Variants in NAT10 observed in about 807,000 individuals in gnomAD.
NAT10 encodes the protein N-acetyltransferase 10.
NAT10 carries 109 observed loss-of-function variants against 132.2 expected under a neutral mutation model. That is an observed-to-expected ratio of 0.82 (90% CI 0.71 to 0.97). The LOEUF (loss-of-function observed/expected upper bound fraction) is 0.97. Ranked by LOEUF, NAT10 falls within the 50% of genes least tolerant of loss-of-function variation. The pLI, the probability that NAT10 is intolerant of heterozygous loss-of-function variation, is 0.00. For synonymous variants in NAT10, 479 were observed against 478.0 expected, an observed-to-expected ratio of 1.00 and a Z score of -0.03; for missense variants, 1,184 against 1,263.4, an observed-to-expected ratio of 0.94 and a Z score of 0.95.
intron 1 of NAT10, chr11:34,107,150 C>T (rs1431230540): frequency 6.6e-6 from 1 of 151,302 alleles, no homozygotes; most frequent in African/African-American, 2.4e-5. Context: ...TCTCTTGCCT[C>T]AGCCTCTCCT....
At chr11:34,133,314 C>T (rs866778267) in intron 16 of NAT10, among the ~76,000 whole-genome samples, 172 bp downstream of exon 16, 3 of 152,118 alleles carry the variant, frequency 2.0e-5, no homozygotes, top group African/African-American at 7.2e-5. Flanking sequence ...AAGAGGTTAG[C>T]GCCACTAGAC....
chr11:34,116,353 C>T (rs1851782457), intron 6 of NAT10, among the ~76,000 whole-genome samples: 1 of 151,918 alleles, frequency 6.6e-6, no homozygotes, highest in African/African-American at 2.4e-5. Flanking sequence ...AAAGGAACAC[C>T]CATAATTTCA....
chr11:34,142,200 C>A, intron 26 of NAT10, 75 bp from the exon 27 acceptor site: 1 of 1,397,826 alleles, frequency 7.2e-7, no homozygotes, highest in Non-Finnish European at 1.0e-6. Context: ...GCCATTCCAC[C>A]CCAGCTTCAC....
At position 34,146,182 on chromosome 11, in the gene NAT10, G is replaced by A. The variant is rs1171658258; in HGVS notation, c.3068G>A (p.Arg1023Gln). Residue 1023 changes from arginine (R) to glutamine (Q), a missense_variant, in exon 29 of 29, where the codon CGG becomes CAG. Coordinates refer to ENST00000257829, the MANE Select transcript of NAT10 (RefSeq NM_024662.3). ...AACAAAAAAGATATGAAACTGAAGC[G>A]GAAGAAATAGTGAAGAGAAACTCGG... Reference protein sequence around the residue: ...TKNKKDMKLKRKK With the variant: ...TKNKKDMKLKQKK The A allele has an allele frequency of 1.5e-5, 24 of 1,597,862 alleles. No homozygotes were observed. The highest frequency in any genetic ancestry group is 5.7e-5 in the South Asian group (5 of 88,130).
intron 4 of NAT10, among the ~76,000 whole-genome samples, chr11:34,113,410 G>C (rs1469340289): frequency 2.0e-5 from 3 of 152,054 alleles, no homozygotes; most frequent in Non-Finnish European, 2.9e-5. Flanking sequence ...TGGTACCCCT[G>C]TGTGTGTATC....
intron 11 of NAT10, 120 bp downstream of exon 11, chr11:34,124,520 T>C (rs1261407102): frequency 1.5e-6 from 1 of 648,838 alleles, no homozygotes; most frequent in East Asian, 2.9e-5. Flanking sequence ...TTTTAGACAA[T>C]GGTGGTGTTG....
chr11:34,133,151 G>A lies in NAT10; in HGVS notation c.1734+9G>A, dbSNP rs1852136266. 1 of 1,590,508 alleles carries A rather than the reference G, an allele frequency of 6.3e-7. No individual in the cohort carries two copies. The highest frequency in any genetic ancestry group is 8.6e-7 in the Non-Finnish European group (1 of 1,158,608). ...TGCTTGCTGTTATCCAGGTATAGGAGCAGAGGCGTCCTTGTGGCAGTGATT... is the reference window on the plus strand; with the variant it reads ...TGCTTGCTGTTATCCAGGTATAGGAACAGAGGCGTCCTTGTGGCAGTGATT... On this transcript the variant is annotated intron_variant, in intron 16 of 28. Transcript: ENST00000257829.
Position 34,136,761 on chromosome 11 carries a change from C to T in NAT10, c.2148C>T (p.Thr716=), listed in dbSNP as rs761342253. 3.7e-6 allele frequency: 6 copies of T among 1,614,118 alleles called. No individual in the cohort carries two copies. The East Asian group carries it at 1.1e-4, about 30-fold the overall frequency. The change falls in exon 20 of 29, where the codon ACC becomes ACT. Residue 716 remains threonine, a synonymous_variant. Transcript: ENST00000257829. ...LDYLGVSYGL[T]PRLLKFWKRA... is the part of the protein sequence containing the mutation. Reference sequence around the variant, plus strand: ...ACCTGGGTGTTTCCTATGGCTTGACCCCCAGGCTCCTCAAGTAAGTGCCTG... The same window carrying T: ...ACCTGGGTGTTTCCTATGGCTTGACTCCCAGGCTCCTCAAGTAAGTGCCTG...
chr11:34,131,269 C>T, intron 13 of NAT10, 112 bp from the exon 14 acceptor site: 5 of 1,401,520 alleles, frequency 3.6e-6, no homozygotes, highest in Admixed American at 2.6e-5. Context: ...TCTTACCACA[C>T]GTCTCTGGCC....
Position 34,146,112 on chromosome 11 carries a change from C to T in NAT10, c.2998C>T (p.Gln1000Ter), listed in dbSNP as rs767159751. 9.3e-6 allele frequency: 15 copies of T among 1,608,220 alleles called. No homozygotes were observed. Among genetic ancestry groups the T allele is most frequent in the Non-Finnish European group, 1.2e-5 (14 of 1,178,260 alleles). ...CAAGAAAAGGAAGTTAGAGGCCAAA[C>T]AAGAACCCAAACAGAGCAAGAAGTT... is the stretch of plus-strand genomic sequence containing the variant. ...SDKKRKLEAK[Q>*]EPKQSKKLKN... Residue 1000 changes from glutamine (Q) to a stop codon, truncating the protein, a stop_gained, in exon 29 of 29, where the codon CAA becomes TAA. Coordinates refer to ENST00000257829, the MANE Select transcript of NAT10 (RefSeq NM_024662.3). LOFTEE classifies it high-confidence loss of function.
At chr11:34,123,587 A>G (rs983770453) in intron 9 of NAT10, among the ~76,000 whole-genome samples, 175 bp from the exon 10 acceptor site, 7 of 152,244 alleles carry the variant, frequency 4.6e-5, no homozygotes, top group African/African-American at 1.7e-4. Flanking sequence ...GTTGGTAGCT[A>G]AATGTCTGGA....
In NAT10 at chr11:34,139,285, A is replaced by G; in HGVS notation, c.2306A>G (p.Lys769Arg). ...GGAGGCTGGCTTGCAGCCTTCTGGA[A>G]AGGTGACTGAGGAGTAGGGGTTTGG... The part of the protein sequence containing the change: ...DQGGWLAAFW[K>R]DFRRRFLALL... The change falls in exon 22 of 29, where the codon AAA becomes AGA. Residue 769 changes from lysine to arginine, a missense_variant and splice_region_variant. Transcript: ENST00000257829. 1 of 1,614,028 alleles carries G rather than the reference A, an allele frequency of 6.2e-7. No homozygotes were observed. The highest frequency in any genetic ancestry group is 8.5e-7 in the Non-Finnish European group (1 of 1,179,906).
chr11:34,138,178 A>G (rs1852253244), intron 21 of NAT10, among the ~76,000 whole-genome samples: 1 of 152,090 alleles, frequency 6.6e-6, no homozygotes, highest in African/African-American at 2.4e-5. Context: ...GCAGGCCTTG[A>G]GGAGGTGGTG....
chr11:34,143,963 G>A (rs924553896), intron 28 of NAT10, among the ~76,000 whole-genome samples: 2 of 152,202 alleles, frequency 1.3e-5, no homozygotes, highest in Non-Finnish European at 2.9e-5. Flanking sequence ...AGTGAGAGCC[G>A]GAGCCAGAAT....
At chr11:34,112,447 A>C (rs1189315964) in intron 4 of NAT10, among the ~76,000 whole-genome samples, 3 of 152,266 alleles carry the variant, frequency 2.0e-5, no homozygotes, top group Non-Finnish European at 2.9e-5. Flanking sequence ...GAGACACCAG[A>C]ACTGAAGTGA....
In NAT10 at chr11:34,137,858, G is replaced by C. The variant is rs138262607; in HGVS notation, c.2211+832G>C. 1.6e-3 allele frequency among the ~76,000 whole-genome samples: 240 copies of C among 152,310 alleles called. 1 individual carries two copies. The highest frequency in any genetic ancestry group is 5.3e-3 in the African/African-American group (221 of 41,564). ...TCAAGGTGAAAAAGTGGGAATGGGA[G>C]TCAGCCCTGTTGAGAGGATGAGGAG... On this transcript the variant is annotated intron_variant, in intron 21 of 28. Transcript: ENST00000257829.
intron 28 of NAT10, among the ~76,000 whole-genome samples, chr11:34,145,424 C>T (rs1038784432): frequency 4.6e-5 from 7 of 152,168 alleles, no homozygotes; most frequent in Admixed American, 3.9e-4. Context: ...GAACTCTTCA[C>T]GGTCTCCTTA....
At chr11:34,127,692 A>G in intron 12 of NAT10, 93 bp downstream of exon 12, 1 of 1,450,498 alleles carries the variant, frequency 6.9e-7, no homozygotes, top group Non-Finnish European at 9.3e-7. Flanking sequence ...TGGACAGCCA[A>G]GTCTGATTCT....
chr11:34,140,496 T>C lies in NAT10; in HGVS notation c.2516T>C (p.Met839Thr), dbSNP rs752231428. 14 of 1,614,100 alleles carry C rather than the reference T, an allele frequency of 8.7e-6. No homozygotes were observed. The highest frequency in any genetic ancestry group is 2.7e-5 in the African/African-American group (2 of 74,936). Residue 839 changes from methionine to threonine, a missense_variant, in exon 24 of 29, where the codon ATG becomes ACG. Met to Thr is a moderately conservative substitution (Grantham distance 81, BLOSUM62 -1). Transcript: ENST00000257829. ...SRNMVDYHLI[M>T]DMIPAISRIY... is the part of the protein sequence containing the mutation. ...AATATGGTGGACTATCACCTCATCA[T>C]GGACATGATCCCGGCCATCTCTCGC...
Sources: gnomAD v4.1 joint callset for allele counts (sites outside exome capture counted in the v4.1 genomes callset) on GRCh38, gnomAD v4.1.1 for gene constraint, MANE v1.5 for transcripts, NCBI Gene and HGNC (gene_info 2026-07-23, HGNC 2026-07-21) for gene names.